PTPN22: variants seen among roughly 807,000 people sequenced by gnomAD.
The protein encoded by PTPN22 is tyrosine-protein phosphatase non-receptor type 22.
In PTPN22, 85 loss-of-function variants were observed where a neutral mutation model predicts 103.3. The ratio of observed to expected loss-of-function variants is 0.82; its 90% CI spans 0.69 to 0.99. The LOEUF (loss-of-function observed/expected upper bound fraction) is 0.99. PTPN22 is among the 50% of genes least tolerant of loss of function. The pLI is 0.00. For synonymous variants in PTPN22, 323 were observed against 310.2 expected (o/e 1.04, Z -0.43); for missense variants, 865 against 936.9 (o/e 0.92, Z 1.00).
chr1:113,851,976 G>C, intron 10 of PTPN22, 51 bp downstream of exon 10: 5 of 1,416,210 alleles, frequency 3.5e-6, no homozygotes, highest in South Asian at 1.2e-5. Flanking sequence ...CCATTAAACA[G>C]ATGGAGCAAG....
At chr1:113,854,791 T>C in intron 8 of PTPN22, 116 bp downstream of exon 8, 5 of 1,316,532 alleles carry the variant, frequency 3.8e-6, no homozygotes, top group Non-Finnish European at 5.2e-6. Context: ...ATGCTTAGGT[T>C]GAATTTATTA....
chr1:113,867,891 ACC>A (rs1666247491), intron 1 of PTPN22, among the ~76,000 whole-genome samples: 1 of 152,162 alleles, frequency 6.6e-6, no homozygotes, highest in Admixed American at 6.5e-5. Flanking sequence ...TGGTTCCAGG[ACC>A]ACCCCCTTCA....
intron 11 of PTPN22, among the ~76,000 whole-genome samples, chr1:113,844,071 T>C (rs577497904): frequency 3.9e-5 from 6 of 151,984 alleles, no homozygotes; most frequent in African/African-American, 1.2e-4. Context: ...ATTCCTGATA[T>C]TGGTAATTTT....
At chr1:113,841,452 A>T (rs72691829) in intron 11 of PTPN22, among the ~76,000 whole-genome samples, 3,953 of 152,220 alleles carry the variant, frequency 0.026, 88 homozygotes, top group Admixed American at 0.088. Context: ...TGAGATTAAG[A>T]CTTTTACACA....
intron 14 of PTPN22, 144 bp from the exon 15 acceptor site, chr1:113,834,583 G>GA: frequency 1.0e-6 from 1 of 969,474 alleles, no homozygotes; most frequent in Non-Finnish European, 1.5e-6. Flanking sequence ...TTTTGAGACA[G>GA]GGTCTTGCTC....
chr1:113,865,602 T>C (rs1034152157), intron 1 of PTPN22, among the ~76,000 whole-genome samples: 4 of 152,204 alleles, frequency 2.6e-5, no homozygotes, highest in Non-Finnish European at 5.9e-5. Flanking sequence ...ATTCATATAT[T>C]GCAAATTAGA....
At chr1:113,818,120 A>C (rs1661305633) in intron 20 of PTPN22, among the ~76,000 whole-genome samples, 1 of 151,866 alleles carries the variant, frequency 6.6e-6, no homozygotes, top group Non-Finnish European at 1.5e-5. Flanking sequence ...TTCTGTGTGA[A>C]TGTTTTAGCT....
At chr1:113,866,436 G>C (rs1418010003) in intron 1 of PTPN22, among the ~76,000 whole-genome samples, 1 of 151,968 alleles carries the variant, frequency 6.6e-6, no homozygotes, top group Non-Finnish European at 1.5e-5. Context: ...GCTTGAACCC[G>C]GGAGGTGGTG....
chr1:113,818,194 C>T (rs1303659503), intron 20 of PTPN22, among the ~76,000 whole-genome samples: 1 of 151,420 alleles, frequency 6.6e-6, no homozygotes, highest in Admixed American at 6.6e-5. Context: ...GAGATGGAGT[C>T]TCGCTCTGTT....
At chr1:113,856,423 A>T in exon 7 of PTPN22, 1 of 1,595,044 alleles carries the variant, frequency 6.3e-7, no homozygotes, top group Middle Eastern at 1.7e-4. Flanking sequence ...ATATAATCAG[A>T]TTTCCTTTTT....
chr1:113,850,586 A>G (rs926906557), intron 10 of PTPN22, among the ~76,000 whole-genome samples: 34 of 152,366 alleles, frequency 2.2e-4, no homozygotes, highest in African/African-American at 7.9e-4. Context: ...GCATTAAACC[A>G]GCTAATGCTT....
intron 19 of PTPN22, among the ~76,000 whole-genome samples, chr1:113,822,676 C>A (rs1661710044): frequency 6.6e-6 from 1 of 151,846 alleles, no homozygotes; most frequent in Non-Finnish European, 1.5e-5. Flanking sequence ...AAAAGGGTTT[C>A]TTGGGCCGGG....
At chr1:113,837,717 A>G (rs762147203) in exon 13 of PTPN22, 141 of 1,610,012 alleles carry the variant, frequency 8.8e-5, no homozygotes, top group Non-Finnish European at 1.1e-4. Context: ...AAGAAGGAAA[A>G]ACAGTTCCAT....
intron 10 of PTPN22, among the ~76,000 whole-genome samples, chr1:113,850,225 GA>G (rs2102053093): frequency 1.5e-5 from 2 of 136,082 alleles, no homozygotes; most frequent in Admixed American, 7.2e-5. Flanking sequence ...AGGAAGGAAG[GA>G]AGGAAGGAAG....
intron 9 of PTPN22, among the ~76,000 whole-genome samples, chr1:113,853,431 ACCT>A: frequency 6.9e-6 from 1 of 144,998 alleles, no homozygotes; most frequent in Non-Finnish European, 1.5e-5. Flanking sequence ...GCTCACTGCA[ACCT>A]CCACCTCCCA....
chr1:113,837,629 T>A, exon 13 of PTPN22: 1 of 1,599,576 alleles, frequency 6.3e-7, no homozygotes, highest in Non-Finnish European at 8.6e-7. Context: ...GAGGAAATAT[T>A]GGTTGGAGAA....
At position 113,834,107 on chromosome 1, in the gene PTPN22, C is replaced by T. The variant is rs78368313; in HGVS notation, c.2025+202G>A. Among the ~76,000 whole-genome samples the T allele has an allele frequency of 4.7e-4, 71 of 152,158 alleles. No homozygotes were observed. The East Asian group carries it at 0.011, about 23-fold the overall frequency. ...GCAAAAATAAAGATTTGTACACATCCTATATCTCTACTACTAGACAAGAAG... is the reference window on the plus strand; with the variant it reads ...GCAAAAATAAAGATTTGTACACATCTTATATCTCTACTACTAGACAAGAAG... On this transcript the variant is annotated intron_variant, in intron 15 of 20. Transcript: ENST00000359785.
At chr1:113,858,850 G>C (rs1437562289) in intron 3 of PTPN22, 152 bp downstream of exon 3, 32 of 1,324,560 alleles carry the variant, frequency 2.4e-5, no homozygotes, top group Non-Finnish European at 3.2e-5. Context: ...TGTTGCCCAG[G>C]CTGGTCTGAA....
intron 17 of PTPN22, 29 bp downstream of exon 17, chr1:113,829,920 T>C (rs1184828111): frequency 6.5e-7 from 1 of 1,534,662 alleles, no homozygotes; most frequent in Non-Finnish European, 9.0e-7. Context: ...ATTTTTATGA[T>C]TTTTTTGAGA....
Sources: allele counts gnomAD v4.1 joint callset (sites outside exome capture counted in the v4.1 genomes callset), GRCh38; gene constraint gnomAD v4.1.1; transcripts MANE v1.5; gene names NCBI Gene and HGNC (gene_info 2026-07-23, HGNC 2026-07-21).